TDO2: variants seen among roughly 807,000 people sequenced by gnomAD.
TDO2 encodes the protein tryptophan 2,3-dioxygenase.
TDO2 carries 63 observed loss-of-function variants against 61.2 expected under a neutral mutation model. That is an observed-to-expected ratio of 1.03 (90% CI 0.84 to 1.27). The LOEUF (loss-of-function observed/expected upper bound fraction) is 1.27. TDO2 is among the 50% of genes most tolerant of loss of function. The pLI is 0.00. For synonymous variants in TDO2, 183 were observed against 164.0 expected (o/e 1.12, Z -0.89); for missense variants, 494 against 469.5 (o/e 1.05, Z -0.48).
In TDO2 at chr4:155,917,333, C is replaced by T; in HGVS notation, c.897-62C>T. ...GGGCCAACTGATTGTCAAACTCATG[C>T]TCCTCCTAACACACTCGATTTACTT... On this transcript the variant is annotated intron_variant, in intron 9 of 11. Coordinates refer to ENST00000536354, the MANE Select transcript of TDO2 (RefSeq NM_005651.4). 2.2e-6 allele frequency: 3 copies of T among 1,355,830 alleles called. No individual in the cohort carries two copies. In the Middle Eastern group the frequency reaches 5.6e-4, roughly 253 times the overall value. The allele number at this position is 1,355,830 out of a possible 1,614,324, so 84.0% of individuals were successfully genotyped here. A position where few individuals can be genotyped will look rare whatever the true frequency, so the allele number is the denominator to read the frequency against.
intron 6 of TDO2, 43 bp downstream of exon 6, chr4:155,910,254 T>C (rs980049667): frequency 2.8e-6 from 4 of 1,445,850 alleles, no homozygotes; most frequent in Non-Finnish European, 3.7e-6. Flanking sequence ...CAATACATCT[T>C]CTTAATTTAG....
intron 8 of TDO2, 45 bp from the exon 9 acceptor site, chr4:155,915,810 A>G (rs1472813593): frequency 6.5e-7 from 1 of 1,527,342 alleles, no homozygotes; most frequent in African/African-American, 1.4e-5. Flanking sequence ...ATACAAAATT[A>G]CCTTAAATGA....
intron 8 of TDO2, among the ~76,000 whole-genome samples, chr4:155,914,970 C>G (rs1187660937): frequency 6.6e-6 from 1 of 152,132 alleles, no homozygotes; most frequent in Non-Finnish European, 1.5e-5. Context: ...TATGTGTTCT[C>G]TGGGCTTGGA....
chr4:155,915,450 TTAAC>T (rs1320567085), intron 8 of TDO2, among the ~76,000 whole-genome samples: 1 of 152,154 alleles, frequency 6.6e-6, no homozygotes, highest in Admixed American at 6.5e-5. Context: ...TAAAAACAAG[TTAAC>T]TAATGTCAAG....
rs1560774092 is a variant in TDO2, at chr4:155,904,000, G to C, written c.36-18G>C. The C allele has an allele frequency of 6.2e-7, 1 of 1,604,716 alleles. No homozygotes were observed. Among genetic ancestry groups the C allele is most frequent in the African/African-American group, 1.3e-5 (1 of 74,560 alleles). ...TTCTAAAGCACTATTTTTCCCTCTTGATTTATTAAATTTGCAGATATACTT... is the reference window on the plus strand; with the variant it reads ...TTCTAAAGCACTATTTTTCCCTCTTCATTTATTAAATTTGCAGATATACTT... On this transcript the variant is annotated intron_variant, in intron 1 of 11. Transcript: ENST00000536354.
chr4:155,910,734 T>C (rs78495009), intron 6 of TDO2, among the ~76,000 whole-genome samples: 1,682 of 152,178 alleles, frequency 0.011, 30 homozygotes, highest in African/African-American at 0.036. Context: ...AAACAAAGAT[T>C]GTATTGTCTT....
At chr4:155,918,525 A>G (rs939614866) in intron 11 of TDO2, among the ~76,000 whole-genome samples, 2 of 152,230 alleles carry the variant, frequency 1.3e-5, no homozygotes, top group African/African-American at 4.8e-5. Flanking sequence ...TCCAGGCAGA[A>G]AAGTCTTCAA....
Position 155,907,721 on chromosome 4 carries a change from G to A in TDO2, c.233-1G>A, listed in dbSNP as rs746442434. ...AACTGACAATGATTTCCTTATTACA[G>A]CTTATGAACTCTGGTTTAAGCAAAT... is the stretch of plus-strand genomic sequence containing the variant. On this transcript the variant is annotated splice_acceptor_variant, in intron 3 of 11. Transcript: ENST00000536354. LOFTEE classifies it high-confidence loss of function. The A allele has an allele frequency of 6.2e-7, 1 of 1,611,096 alleles. No individual in the cohort carries two copies. Among genetic ancestry groups the A allele is most frequent in the South Asian group, 1.1e-5 (1 of 90,376 alleles).
At chr4:155,914,055 A>G (rs1400109466) in intron 7 of TDO2, among the ~76,000 whole-genome samples, 1 of 152,090 alleles carries the variant, frequency 6.6e-6, no homozygotes, top group Non-Finnish European at 1.5e-5. Flanking sequence ...AATTTTGTCC[A>G]TCTGAGTCCA....
At chr4:155,911,894 C>T (rs1334411113) in intron 7 of TDO2, among the ~76,000 whole-genome samples, 3 of 152,102 alleles carry the variant, frequency 2.0e-5, no homozygotes, top group African/African-American at 4.8e-5. Context: ...CAATTTTAGA[C>T]AGAACTAGGC....
chr4:155,917,424 A>C lies in TDO2; in HGVS notation c.926A>C (p.Gln309Pro). The C allele has an allele frequency of 3.1e-6, 5 of 1,610,500 alleles. No individual in the cohort carries two copies. Among genetic ancestry groups the C allele is most frequent in the Non-Finnish European group, 4.2e-6 (5 of 1,178,670 alleles). ...REEPRFQVPF[Q>P]LLTSLMDIDS... Reference sequence around the variant, plus strand: ...GAGCCTAGGTTCCAGGTGCCTTTTCAGTTGCTGACTTCTCTTATGGACATA... The same window carrying C: ...GAGCCTAGGTTCCAGGTGCCTTTTCCGTTGCTGACTTCTCTTATGGACATA... Residue 309 changes from glutamine to proline, a missense_variant, in exon 10 of 12, where the codon CAG (glutamine) becomes CCG (proline). Physicochemically the swap from Gln to Pro is moderately conservative, Grantham distance 76. Coordinates refer to ENST00000536354, the MANE Select transcript of TDO2 (RefSeq NM_005651.4).
intron 9 of TDO2, among the ~76,000 whole-genome samples, chr4:155,916,791 G>A (rs957176833): frequency 6.6e-6 from 1 of 152,112 alleles, no homozygotes; most frequent in Non-Finnish European, 1.5e-5. Context: ...AGGCCGTCAT[G>A]CTTCTGTGTA....
chr4:155,919,894 A>T lies in TDO2; in HGVS notation c.1125A>T (p.Arg375=). ...LFNLSTYLIP[R]HWIPKMNPTI... Reference sequence around the variant, plus strand: ...ATCTTTCAACATACCTGATTCCCCGACACTGGATACCGAAGATGAACCCAA... The same window carrying T: ...ATCTTTCAACATACCTGATTCCCCGTCACTGGATACCGAAGATGAACCCAA... The change falls in exon 12 of 12, where the codon CGA becomes CGT. Residue 375 remains arginine, a synonymous_variant. Coordinates refer to ENST00000536354, the MANE Select transcript of TDO2 (RefSeq NM_005651.4). 6.2e-7 allele frequency: 1 copy of T among 1,613,780 alleles called. No homozygotes were observed. The highest frequency in any genetic ancestry group is 8.5e-7 in the Non-Finnish European group (1 of 1,179,792).
chr4:155,907,453 A>T (rs1560775423), intron 3 of TDO2: 1 of 352,890 alleles, frequency 2.8e-6, no homozygotes, highest in Non-Finnish European at 5.1e-6. Flanking sequence ...AAGACCTAAA[A>T]ATGCATTTGT....
chr4:155,909,828 T>TCTCTC (rs1261436658), intron 5 of TDO2, among the ~76,000 whole-genome samples, 197 bp from the exon 6 acceptor site: 2 of 142,458 alleles, frequency 1.4e-5, no homozygotes, highest in Non-Finnish European at 3.0e-5. Flanking sequence ...GCTCTTCTCT[T>TCTCTC]CTCTCCTCTC....
chr4:155,914,586 G>A (rs1484111968), intron 8 of TDO2, 152 bp downstream of exon 8: 1 of 583,566 alleles, frequency 1.7e-6, no homozygotes, highest in African/African-American at 2.0e-5. Flanking sequence ...AATGTTTTTG[G>A]TGATAAACCT....
At chr4:155,914,647 T>C (rs771681100) in intron 8 of TDO2, among the ~76,000 whole-genome samples, 4 of 152,044 alleles carry the variant, frequency 2.6e-5, no homozygotes, top group Non-Finnish European at 5.9e-5. Context: ...TAGAAAAAAA[T>C]TTATAGTCTC....
intron 11 of TDO2, chr4:155,918,692 C>A (rs1742988497): frequency 6.3e-6 from 1 of 159,184 alleles, no homozygotes; most frequent in Non-Finnish European, 1.4e-5. Flanking sequence ...CAGAGAGTGC[C>A]CCTTTTAAAG....
intron 2 of TDO2, among the ~76,000 whole-genome samples, chr4:155,904,640 G>A (rs1416665299): frequency 2.0e-5 from 3 of 152,050 alleles, no homozygotes. Context: ...TTTTTAAGAG[G>A]CAAAATGATT....
Sources: allele counts gnomAD v4.1 joint callset (sites outside exome capture counted in the v4.1 genomes callset), GRCh38; gene constraint gnomAD v4.1.1; transcripts MANE v1.5; gene names NCBI Gene and HGNC (gene_info 2026-07-23, HGNC 2026-07-21).